The following NCAM2 variants were observed in gnomAD, a reference collection of about 807,000 sequenced individuals.
NCAM2 encodes the protein N-CAM-2.
In NCAM2, 30 loss-of-function variants were observed where a neutral mutation model predicts 98.1. The observed-to-expected ratio is 0.31, with a 90% CI of 0.23 to 0.41. The LOEUF is 0.41. Ranked by LOEUF, NCAM2 falls within the 10% of genes least tolerant of loss-of-function variation. The pLI is 1.00. For synonymous variants in NCAM2, 368 were observed against 342.4 expected (o/e 1.07, Z -0.83); for missense variants, 867 against 1,005.8 (o/e 0.86, Z 1.87).
chr21:21,260,092 G>T (rs1420559708), intron 1 of NCAM2, among the ~76,000 whole-genome samples: 2 of 151,264 alleles, frequency 1.3e-5, no homozygotes, highest in African/African-American at 2.4e-5. Context: ...TCAAGCAGAA[G>T]AAACAATTTT....
At chr21:21,246,759 T>A (rs2071285819) in intron 1 of NCAM2, among the ~76,000 whole-genome samples, 1 of 152,216 alleles carries the variant, frequency 6.6e-6, no homozygotes, top group South Asian at 2.1e-4. Flanking sequence ...TTGGTTCAAA[T>A]TTTAAATTTA....
intron 4 of NCAM2, among the ~76,000 whole-genome samples, chr21:21,287,001 A>T (rs904506604): frequency 3.9e-5 from 6 of 151,946 alleles, no homozygotes; most frequent in African/African-American, 1.4e-4. Flanking sequence ...TTATGGAAAG[A>T]TCCATATAGA....
chr21:21,014,751 A>G (rs2064274505), intron 1 of NCAM2, among the ~76,000 whole-genome samples: 2 of 152,330 alleles, frequency 1.3e-5, no homozygotes, highest in African/African-American at 4.8e-5. Context: ...AATATATTTC[A>G]TAAGGCTATA....
At chr21:21,093,013 CT>C (rs5842882) in intron 1 of NCAM2, among the ~76,000 whole-genome samples, 152,118 of 152,118 alleles carry the variant, frequency 1, 76,059 homozygotes, top group Non-Finnish European at 1. Context: ...TTCTCATGAG[CT>C]TTCATAAACT....
At chr21:21,332,038 G>A (rs542783174) in intron 6 of NCAM2, among the ~76,000 whole-genome samples, 4 of 151,940 alleles carry the variant, frequency 2.6e-5, no homozygotes, top group South Asian at 2.1e-4. Context: ...AAGTAGCTGC[G>A]ACTACAGGCG....
intron 9 of NCAM2, among the ~76,000 whole-genome samples, chr21:21,394,639 C>A (rs1265799491): frequency 6.6e-6 from 1 of 151,574 alleles, no homozygotes; most frequent in Non-Finnish European, 1.5e-5. Flanking sequence ...CAGGTGCCCG[C>A]CACCACACCC....
intron 5 of NCAM2, among the ~76,000 whole-genome samples, chr21:21,317,152 A>G (rs1288130192): frequency 6.6e-6 from 1 of 152,126 alleles, no homozygotes; most frequent in African/African-American, 2.4e-5. Flanking sequence ...TCACGTGGAC[A>G]CATTATCCCC....
chr21:21,108,024 A>T (rs2066384791), intron 1 of NCAM2, among the ~76,000 whole-genome samples: 1 of 152,088 alleles, frequency 6.6e-6, no homozygotes, highest in Non-Finnish European at 1.5e-5. Flanking sequence ...TTCACACGAT[A>T]AGCAGGTATA....
chr21:21,296,170 C>T (rs376798627), intron 5 of NCAM2, among the ~76,000 whole-genome samples: 1 of 151,828 alleles, frequency 6.6e-6, no homozygotes, highest in East Asian at 1.9e-4. Context: ...GCTCAACAAT[C>T]TGTAAGAATC....
chr21:21,137,029 T>C (rs1461231070), intron 1 of NCAM2, among the ~76,000 whole-genome samples: 2 of 152,072 alleles, frequency 1.3e-5, no homozygotes, highest in Non-Finnish European at 2.9e-5. Flanking sequence ...CAATTTTTAG[T>C]AGAGGCAGGT....
chr21:21,270,808 A>AT (rs1331948222), intron 1 of NCAM2, among the ~76,000 whole-genome samples: 7 of 150,542 alleles, frequency 4.6e-5, no homozygotes, highest in Admixed American at 1.3e-4. Context: ...AACCTATTTG[A>AT]TTTTTTTTTC....
chr21:21,065,178 T>A (rs555423741), intron 1 of NCAM2, among the ~76,000 whole-genome samples: 28 of 151,362 alleles, frequency 1.8e-4, no homozygotes, highest in African/African-American at 6.8e-4. Flanking sequence ...AGACTCTCTC[T>A]CAAAAAAAAC....
intron 12 of NCAM2, 116 bp downstream of exon 12, chr21:21,432,397 G>A: frequency 1.1e-6 from 1 of 927,016 alleles, no homozygotes; most frequent in Non-Finnish European, 1.6e-6. Flanking sequence ...AAATGGTGTT[G>A]GGAAGATATT....
chr21:21,021,209 TG>T (rs2064429012), intron 1 of NCAM2, among the ~76,000 whole-genome samples: 1 of 152,174 alleles, frequency 6.6e-6, no homozygotes, highest in Non-Finnish European at 1.5e-5. Flanking sequence ...TTCTTTGTTA[TG>T]GGCCATTTAG....
chr21:21,394,127 T>C (rs1248758546), intron 9 of NCAM2, among the ~76,000 whole-genome samples: 4 of 152,160 alleles, frequency 2.6e-5, no homozygotes, highest in Admixed American at 2.6e-4. Flanking sequence ...TGTTTAAAAT[T>C]AGAACAAAAA....
chr21:21,264,180 C>T (rs2072032501), intron 1 of NCAM2, among the ~76,000 whole-genome samples: 1 of 151,948 alleles, frequency 6.6e-6, no homozygotes, highest in South Asian at 2.1e-4. Flanking sequence ...AAAAACTGGG[C>T]ACAGGAAATG....
rs1388126218 is a variant in NCAM2, at chr21:21,539,110, A to T, written c.*1153A>T. On this transcript the variant is annotated 3_prime_UTR_variant, in exon 18 of 18. Transcript: ENST00000400546. ...AGCTAGAAGTCATTTTAAGATTTTG[A>T]TAAACAACTTTGGTTGAAGAAATTC... 6.6e-6 allele frequency: 1 copy of T among 152,200 alleles called. No individual in the cohort carries two copies. Among genetic ancestry groups the T allele is most frequent in the Non-Finnish European group, 1.5e-5 (1 of 68,030 alleles). The allele number at this position is 152,200 out of a possible 1,614,324, so 9.4% of individuals were successfully genotyped here. A position where few individuals can be genotyped will look rare whatever the true frequency, so the allele number is the denominator to read the frequency against.
intron 12 of NCAM2, among the ~76,000 whole-genome samples, chr21:21,432,924 C>T (rs971246538): frequency 3.3e-5 from 5 of 152,104 alleles, no homozygotes; most frequent in African/African-American, 1.2e-4. Context: ...CAGAACCATA[C>T]TGAGTGTTCC....
At position 21,360,288 on chromosome 21, in the gene NCAM2, T is replaced by G. The variant is rs1291234635; in HGVS notation, c.1045-13575T>G. Among the ~76,000 whole-genome samples, 14 of 151,974 alleles carry G rather than the reference T, an allele frequency of 9.2e-5. No individual in the cohort carries two copies. In the East Asian group the frequency reaches 2.7e-3, roughly 29 times the overall value. On this transcript the variant is annotated intron_variant, in intron 8 of 17. Coordinates refer to ENST00000400546, the MANE Select transcript of NCAM2 (RefSeq NM_004540.5). ...AGATATATTCAATGAACATATTCAT[T>G]TATAAGATCAACCGTATGTTTAGTA...
Sources: allele counts gnomAD v4.1 joint callset (sites outside exome capture counted in the v4.1 genomes callset), GRCh38; gene constraint gnomAD v4.1.1; transcripts MANE v1.5; gene names NCBI Gene and HGNC (gene_info 2026-07-23, HGNC 2026-07-21).